Variants in BMPER observed in about 807,000 individuals in gnomAD.
BMPER encodes BMP binding endothelial regulator, also known as BMP-binding endothelial regulator protein.
Under a neutral mutation model 87.3 loss-of-function variants are expected in BMPER, and 45 were observed. The observed-to-expected ratio is 0.52, with a 90% CI of 0.41 to 0.66. BMPER has a LOEUF of 0.66. BMPER is among the 30% of genes least tolerant of loss of function. The pLI, the probability that BMPER is intolerant of heterozygous loss-of-function variation, is 0.00. For missense variants in BMPER, 784 were observed against 867.5 expected (o/e 0.90, Z 1.21); for synonymous variants, 326 against 316.2 (o/e 1.03, Z -0.33).
intron 6 of BMPER, among the ~76,000 whole-genome samples, chr7:34,031,337 C>T (rs1447365359): frequency 6.6e-6 from 1 of 152,070 alleles, no homozygotes; most frequent in Non-Finnish European, 1.5e-5. Context: ...CCCCCAGCCT[C>T]CAAACAAACC....
intron 6 of BMPER, among the ~76,000 whole-genome samples, chr7:34,029,542 C>A (rs1787469681): frequency 6.6e-6 from 1 of 152,106 alleles, no homozygotes; most frequent in Admixed American, 6.6e-5. Context: ...TTGACCCAAA[C>A]CAACCCAGTC....
intron 2 of BMPER, among the ~76,000 whole-genome samples, chr7:33,925,464 T>C (rs1326686780): frequency 6.6e-6 from 1 of 152,208 alleles, no homozygotes; most frequent in Non-Finnish European, 1.5e-5. Flanking sequence ...AGCAATATAA[T>C]TCTAGAATAA....
At chr7:34,144,649 A>G (rs549159320) in intron 14 of BMPER, among the ~76,000 whole-genome samples, 3 of 152,246 alleles carry the variant, frequency 2.0e-5, no homozygotes, top group Admixed American at 2.0e-4. Context: ...CATTAGTGAT[A>G]TATGCTTGAA....
At chr7:34,049,812 A>C (rs2127959601) in intron 7 of BMPER, among the ~76,000 whole-genome samples, 1 of 152,342 alleles carries the variant, frequency 6.6e-6, no homozygotes, top group Non-Finnish European at 1.5e-5. Context: ...AAAGGACAGA[A>C]ATATATCTCT....
In BMPER at chr7:34,060,440, T is replaced by C. The variant is rs114012857; in HGVS notation, c.1033-1562T>C. Among the ~76,000 whole-genome samples the C allele has an allele frequency of 7.1e-3, 1,084 of 152,320 alleles. 13 individuals are homozygous for C. The highest frequency in any genetic ancestry group is 0.024 in the African/African-American group (1,015 of 41,568). On this transcript the variant is annotated intron_variant, in intron 10 of 14. Coordinates refer to ENST00000649409, the MANE Select transcript of BMPER (RefSeq NM_001365308.1). ...AACCAAAAGAGACCCCTGTGCCAAA[T>C]TGCAATTGACAGCAGAGCTCTAGGC...
chr7:33,908,446 A>G (rs1030997454), intron 2 of BMPER, among the ~76,000 whole-genome samples: 2 of 152,158 alleles, frequency 1.3e-5, no homozygotes, highest in African/African-American at 2.4e-5. Context: ...TCCCCACAGC[A>G]TTCCCCCCTT....
At chr7:34,061,621 A>G (rs1024808) in intron 10 of BMPER, among the ~76,000 whole-genome samples, 14,374 of 152,180 alleles carry the variant, frequency 0.094, 1,128 homozygotes, top group African/African-American at 0.22. Context: ...CGCTAGGTTG[A>G]CAGATAATTC....
chr7:33,985,500 C>A (rs748535968), intron 6 of BMPER, among the ~76,000 whole-genome samples: 17 of 151,972 alleles, frequency 1.1e-4, no homozygotes, highest in Middle Eastern at 3.2e-3. Context: ...CTGATTATTT[C>A]TTTGGCTAAG....
At chr7:33,920,418 G>GTTTTTTTTTTTTTTTTTTTTTTTTTTTTT (rs879327540) in intron 2 of BMPER, among the ~76,000 whole-genome samples, 3 of 99,940 alleles carry the variant, frequency 3.0e-5, no homozygotes, top group Non-Finnish European at 5.7e-5. Context: ...AAACTCCGTT[G>GTTTTTTTTTTTTTTTTTTTTTTTTTTTTT]TGTTTTTTTT....
chr7:34,147,613 G>A (rs1791064168), intron 14 of BMPER, among the ~76,000 whole-genome samples: 1 of 152,126 alleles, frequency 6.6e-6, no homozygotes, highest in African/African-American at 2.4e-5. Flanking sequence ...TGGGATTACA[G>A]GCATGTGCCA....
At chr7:34,071,757 G>T (rs1342195065) in intron 11 of BMPER, among the ~76,000 whole-genome samples, 1 of 152,136 alleles carries the variant, frequency 6.6e-6, no homozygotes, top group Non-Finnish European at 1.5e-5. Context: ...CAGACCCTGA[G>T]CTCAGAAACA....
At chr7:34,091,054 C>T (rs1025873348) in intron 13 of BMPER, among the ~76,000 whole-genome samples, 3 of 152,046 alleles carry the variant, frequency 2.0e-5, no homozygotes, top group African/African-American at 4.8e-5. Context: ...GGTGGGAGGT[C>T]GTGCGGGAGA....
At chr7:34,069,386 C>T (rs1299241569) in intron 11 of BMPER, among the ~76,000 whole-genome samples, 1 of 152,230 alleles carries the variant, frequency 6.6e-6, no homozygotes, top group Non-Finnish European at 1.5e-5. Flanking sequence ...AAAATTGCTA[C>T]TTCTGCTGCC....
chr7:33,949,879 A>G (rs893048609), intron 3 of BMPER, among the ~76,000 whole-genome samples: 1 of 152,230 alleles, frequency 6.6e-6, no homozygotes, highest in African/African-American at 2.4e-5. Context: ...TTGGCTACCC[A>G]TAATATAAAC....
intron 6 of BMPER, among the ~76,000 whole-genome samples, chr7:34,004,025 A>G (rs528573074): frequency 6.6e-6 from 1 of 152,188 alleles, no homozygotes; most frequent in African/African-American, 2.4e-5. Context: ...CCAGGACTAT[A>G]ATCTTTGGCA....
At chr7:34,141,171 T>A (rs1008022280) in intron 13 of BMPER, among the ~76,000 whole-genome samples, 8 of 152,226 alleles carry the variant, frequency 5.3e-5, no homozygotes, top group Non-Finnish European at 1.0e-4. Context: ...TTAGACGCCA[T>A]TTTAAGGACA....
intron 11 of BMPER, among the ~76,000 whole-genome samples, chr7:34,071,160 A>T (rs1385582041): frequency 6.6e-6 from 1 of 152,140 alleles, no homozygotes; most frequent in Non-Finnish European, 1.5e-5. Context: ...CTCAATTTAC[A>T]TTGTCTTTTC....
chr7:34,128,589 A>G (rs1051538772), intron 13 of BMPER, among the ~76,000 whole-genome samples: 9 of 152,248 alleles, frequency 5.9e-5, no homozygotes, highest in Admixed American at 4.6e-4. Context: ...CATGATAGGA[A>G]TACTTCTGAA....
At chr7:33,996,192 G>A (rs1786406340) in intron 6 of BMPER, among the ~76,000 whole-genome samples, 1 of 152,120 alleles carries the variant, frequency 6.6e-6, no homozygotes, top group African/African-American at 2.4e-5. Flanking sequence ...AAACTGTAGG[G>A]CTTTGGAGCC....
Sources: allele counts gnomAD v4.1 joint callset (sites outside exome capture counted in the v4.1 genomes callset), GRCh38; gene constraint gnomAD v4.1.1; transcripts MANE v1.5; gene names NCBI Gene and HGNC (gene_info 2026-07-23, HGNC 2026-07-21).